ESRRG: variants seen among roughly 807,000 people sequenced by gnomAD.
ESRRG encodes estrogen related receptor gamma.
A neutral mutation model predicts 44.0 loss-of-function variants in ESRRG; 13 were observed. The observed-to-expected ratio is 0.30, with a 90% CI of 0.19 to 0.47. The LOEUF (loss-of-function observed/expected upper bound fraction) is 0.47, where lower values mean the gene tolerates loss of function less well. ESRRG is among the 20% of genes least tolerant of loss of function. The probability of loss-of-function intolerance (pLI) is 1.00; values close to 1 mark genes in which losing one functional copy is unlikely to be tolerated. For synonymous variants in ESRRG, 215 were observed against 214.6 expected (o/e 1.00, Z -0.02); for missense variants, 395 against 580.6 (o/e 0.68, Z 3.29).
At chr1:216,764,169 T>G (rs2092944753) in intron 2 of ESRRG, among the ~76,000 whole-genome samples, 1 of 116,954 alleles carries the variant, frequency 8.6e-6, no homozygotes, top group Admixed American at 8.3e-5. Flanking sequence ...ACAAACTACC[T>G]AATTGATTCT....
At chr1:217,063,832 A>G (rs920651512) in intron 1 of ESRRG, among the ~76,000 whole-genome samples, 11 of 152,194 alleles carry the variant, frequency 7.2e-5, no homozygotes, top group African/African-American at 2.4e-5. Flanking sequence ...CTGCGTTTTA[A>G]TGAGTATAAT....
chr1:216,755,157 A>G (rs1487965364), intron 2 of ESRRG, among the ~76,000 whole-genome samples: 1 of 152,078 alleles, frequency 6.6e-6, no homozygotes, highest in Non-Finnish European at 1.5e-5. Flanking sequence ...TGAATAAGAT[A>G]TTTTAAATAA....
At chr1:217,130,713 A>G (rs891168677) in intron 1 of ESRRG, among the ~76,000 whole-genome samples, 2 of 152,236 alleles carry the variant, frequency 1.3e-5, no homozygotes, top group African/African-American at 4.8e-5. Flanking sequence ...AAAGGGGGAT[A>G]TAATTTTTCA....
intron 1 of ESRRG, among the ~76,000 whole-genome samples, chr1:217,015,722 G>A (rs2079255730): frequency 4.3e-5 from 6 of 139,970 alleles, no homozygotes. Flanking sequence ...GGTGAGAGGG[G>A]GCAGCTAGAT....
intron 3 of ESRRG, among the ~76,000 whole-genome samples, chr1:216,646,385 C>G (rs2067593235): frequency 1.3e-5 from 2 of 152,072 alleles, no homozygotes; most frequent in Admixed American, 1.3e-4. Flanking sequence ...TGTACTAGAC[C>G]CTGTATCTAC....
chr1:216,815,762 C>T (rs547347357), intron 2 of ESRRG, among the ~76,000 whole-genome samples: 3 of 152,330 alleles, frequency 2.0e-5, no homozygotes, highest in Admixed American at 6.5e-5. Flanking sequence ...AGGACCATTA[C>T]GAAAGCACAT....
chr1:216,529,634 G>A (rs2048705085), intron 5 of ESRRG, among the ~76,000 whole-genome samples: 1 of 151,976 alleles, frequency 6.6e-6, no homozygotes, highest in South Asian at 2.1e-4. Flanking sequence ...TGGCACTTCT[G>A]CCTTCCTTTC....
At chr1:217,135,072 G>A (rs2093030405) in intron 1 of ESRRG, among the ~76,000 whole-genome samples, 1 of 152,176 alleles carries the variant, frequency 6.6e-6, no homozygotes, top group Admixed American at 6.5e-5. Context: ...ATCTGTCCCC[G>A]CACCGCAGAG....
intron 2 of ESRRG, among the ~76,000 whole-genome samples, chr1:216,890,300 A>G (rs1291169059): frequency 6.6e-6 from 1 of 152,186 alleles, no homozygotes; most frequent in Non-Finnish European, 1.5e-5. Context: ...TATGCTTGCA[A>G]TAAACTGAAC....
chr1:216,689,242 C>T (rs947108464), intron 1 of ESRRG, among the ~76,000 whole-genome samples: 1 of 152,114 alleles, frequency 6.6e-6, no homozygotes, highest in Non-Finnish European at 1.5e-5. Context: ...CACAGGCATC[C>T]ATTACAAAAT....
At chr1:216,931,154 G>A (rs2063287770) in intron 2 of ESRRG, among the ~76,000 whole-genome samples, 1 of 152,146 alleles carries the variant, frequency 6.6e-6, no homozygotes, top group African/African-American at 2.4e-5. Flanking sequence ...CTAGGAGAAG[G>A]TACATGGATA....
upstream of ESRRG, among the ~76,000 whole-genome samples, chr1:216,725,182 A>G (rs779788683): frequency 7.2e-5 from 11 of 152,202 alleles, no homozygotes; most frequent in Non-Finnish European, 1.6e-4. Flanking sequence ...ATTTAGCTAT[A>G]TCTAAGATAT....
At chr1:216,813,651 A>G (rs1178649962) in intron 2 of ESRRG, among the ~76,000 whole-genome samples, 1 of 152,192 alleles carries the variant, frequency 6.6e-6, no homozygotes, top group Non-Finnish European at 1.5e-5. Context: ...GCTTGTCTGT[A>G]AAGTGGTGAA....
At chr1:217,003,920 T>G (rs917317840) in intron 1 of ESRRG, among the ~76,000 whole-genome samples, 2 of 151,894 alleles carry the variant, frequency 1.3e-5, no homozygotes, top group African/African-American at 4.8e-5. Context: ...AATAGCACAA[T>G]TAACTGAGTT....
At chr1:216,957,501 G>A (rs2576229) in intron 1 of ESRRG, among the ~76,000 whole-genome samples, 99,708 of 151,952 alleles carry the variant, frequency 0.66, 35,801 homozygotes, top group Non-Finnish European at 0.82. Context: ...AATATTTTAC[G>A]TCTTGTGGTT....
At chr1:216,858,674 TTC>T (rs983450556) in intron 2 of ESRRG, among the ~76,000 whole-genome samples, 8 of 152,152 alleles carry the variant, frequency 5.3e-5, no homozygotes, top group African/African-American at 1.9e-4. Flanking sequence ...GGGATGATCG[TTC>T]TCTGATTACA....
intron 3 of ESRRG, among the ~76,000 whole-genome samples, chr1:216,617,536 C>T (rs985259784): frequency 6.7e-6 from 1 of 150,186 alleles, no homozygotes; most frequent in Non-Finnish European, 1.5e-5. Flanking sequence ...TGGGGACTTA[C>T]GATGTGAGGA....
At chr1:216,898,300 C>T (rs920535763) in intron 2 of ESRRG, among the ~76,000 whole-genome samples, 1 of 152,048 alleles carries the variant, frequency 6.6e-6, no homozygotes, top group Non-Finnish European at 1.5e-5. Flanking sequence ...TATACCATTA[C>T]CCTTAAGCCG....
At chr1:216,996,399 A>C (rs980007250) in intron 1 of ESRRG, among the ~76,000 whole-genome samples, 2 of 152,080 alleles carry the variant, frequency 1.3e-5, no homozygotes, top group Non-Finnish European at 2.9e-5. Flanking sequence ...AGGAGGAAAA[A>C]CAGAGAAGAA....
Sources: gnomAD v4.1 joint callset for allele counts (sites outside exome capture counted in the v4.1 genomes callset) on GRCh38, gnomAD v4.1.1 for gene constraint, MANE v1.5 for transcripts, NCBI Gene and HGNC (gene_info 2026-07-23, HGNC 2026-07-21) for gene names.